The following LDHB variants were observed in gnomAD, a reference collection of about 807,000 sequenced individuals.
LDHB encodes the protein L-lactate dehydrogenase B chain.
Under a neutral mutation model 33.4 loss-of-function variants are expected in LDHB, and 18 were observed. The ratio of observed to expected loss-of-function variants is 0.54; its 90% CI spans 0.37 to 0.80. The LOEUF is 0.80. Among genes scored for constraint, LDHB ranks in the 30% least tolerant of loss-of-function variants. LDHB has a pLI of 0.00. For synonymous variants in LDHB, 121 were observed against 140.6 expected (o/e 0.86, Z 0.98); for missense variants, 345 against 407.9 (o/e 0.85, Z 1.33).
At position 21,654,677 on chromosome 12, in the gene LDHB, A is replaced by G. The variant is rs1938788915; in HGVS notation, c.-6T>C. On this transcript the variant is annotated splice_region_variant and 5_prime_UTR_variant, in exon 2 of 8. Coordinates refer to ENST00000350669, the MANE Select transcript of LDHB (RefSeq NM_002300.8). ...TTTTCCTTAAGAGTTGCCATTTTGC[A>G]CTGCAAGGAAAGAATCAAAACATTA... The G allele has an allele frequency of 6.2e-7, 1 of 1,611,850 alleles. No homozygotes were observed. The highest frequency in any genetic ancestry group is 8.5e-7 in the Non-Finnish European group (1 of 1,177,918).
intron 6 of LDHB, 42 bp downstream of exon 6, chr12:21,638,311 A>G: frequency 1.0e-6 from 1 of 989,874 alleles, no homozygotes; most frequent in Non-Finnish European, 1.6e-6. Flanking sequence ...ATTTAAGTAG[A>G]GTTGAAATTA....
chr12:21,649,246 T>C (rs1373659563), intron 2 of LDHB, among the ~76,000 whole-genome samples: 1 of 152,196 alleles, frequency 6.6e-6, no homozygotes, highest in African/African-American at 2.4e-5. Context: ...ATCCTGTCTC[T>C]GTTTCAGTGG....
At chr12:21,638,506 T>G in intron 5 of LDHB, 36 bp from the exon 6 acceptor site, 1 of 1,320,310 alleles carries the variant, frequency 7.6e-7, no homozygotes, top group Non-Finnish European at 1.1e-6. Context: ...TTGCAGTTAT[T>G]TCTTACATTA....
At position 21,643,997 on chromosome 12, in the gene LDHB, A is replaced by G. The variant is rs754833259; in HGVS notation, c.359T>C (p.Phe120Ser). The stretch of plus-strand genomic sequence containing the variant: ...GTACTTGACGATCTGAGGAATAATG[A>G]ATTTGAAGACATTAACATTTCTCTG... ...LVQRNVNVFKFIIPQIVKYSP... is the reference protein window; with the variant it reads ...LVQRNVNVFKSIIPQIVKYSP... The change falls in exon 4 of 8, where the codon TTC becomes TCC. Residue 120 changes from phenylalanine (F) to serine (S), a missense_variant. Coordinates refer to ENST00000350669, the MANE Select transcript of LDHB (RefSeq NM_002300.8). The G allele has an allele frequency of 1.2e-6, 2 of 1,613,158 alleles. No homozygotes were observed. The highest frequency in any genetic ancestry group is 1.7e-6 in the Non-Finnish European group (2 of 1,179,240).
At chr12:21,648,277 C>T (rs1378731798) in intron 2 of LDHB, among the ~76,000 whole-genome samples, 5 of 152,016 alleles carry the variant, frequency 3.3e-5, no homozygotes, top group Non-Finnish European at 5.9e-5. Flanking sequence ...CCTCAATATA[C>T]GATACTCAAG....
At chr12:21,656,214 T>C (rs1220312565) in intron 1 of LDHB, among the ~76,000 whole-genome samples, 3 of 152,240 alleles carry the variant, frequency 2.0e-5, no homozygotes, top group Non-Finnish European at 4.4e-5. Flanking sequence ...ACAACTATTT[T>C]ATCTTATAGT....
In LDHB at chr12:21,642,028, G is replaced by A. The variant is rs1286661907; in HGVS notation, c.519C>T (p.Tyr173=). 7.4e-6 allele frequency: 12 copies of A among 1,613,542 alleles called. No homozygotes were observed. The highest frequency in any genetic ancestry group is 9.3e-6 in the Non-Finnish European group (11 of 1,179,712). The change falls in exon 5 of 8, where the codon TAC becomes TAT. Residue 173 remains tyrosine (Y), a synonymous_variant. Coordinates refer to ENST00000350669, the MANE Select transcript of LDHB (RefSeq NM_002300.8). Reference sequence around the variant, plus strand: ...GAATGCCAAGTTTTTCAGCCATAAGGTAGCGAAATCTAGCAGAATCCAGAT... The same window carrying A: ...GAATGCCAAGTTTTTCAGCCATAAGATAGCGAAATCTAGCAGAATCCAGAT... ...GCNLDSARFR[Y]LMAEKLGIHP...
In LDHB at chr12:21,635,538, C is replaced by G; in HGVS notation, c.*4G>C. ...TTAAATTTCTACAGCCTAGAGCTCA[C>G]TAGTCACAGGTCTTTTAGGTCCTTC... On this transcript the variant is annotated 3_prime_UTR_variant, in exon 8 of 8. Transcript: ENST00000350669. 1.2e-6 allele frequency: 2 copies of G among 1,610,342 alleles called. No homozygotes were observed. Among genetic ancestry groups the G allele is most frequent in the Non-Finnish European group, 8.5e-7 (1 of 1,178,298 alleles).
chr12:21,636,010 T>C (rs1202807588), intron 7 of LDHB, among the ~76,000 whole-genome samples: 2 of 152,174 alleles, frequency 1.3e-5, no homozygotes, highest in East Asian at 3.8e-4. Context: ...CCCCAATACT[T>C]ATGTTTTGAA....
intron 2 of LDHB, chr12:21,654,226 G>A (rs965784925): frequency 5.8e-6 from 2 of 344,506 alleles, no homozygotes; most frequent in African/African-American, 4.2e-5. Context: ...TTGGACTGAG[G>A]TGAAAATAGC....
intron 3 of LDHB, among the ~76,000 whole-genome samples, chr12:21,646,417 A>G (rs1430552619): frequency 6.6e-6 from 1 of 152,250 alleles, no homozygotes; most frequent in Admixed American, 6.5e-5. Flanking sequence ...GAAAATGTCA[A>G]TTTGCTATGT....
At chr12:21,640,482 A>AAATCT (rs1938345674) in intron 5 of LDHB, among the ~76,000 whole-genome samples, 8 of 152,032 alleles carry the variant, frequency 5.3e-5, no homozygotes, top group Non-Finnish European at 8.8e-5. Flanking sequence ...TAAATAATTG[A>AAATCT]TAGTTATAAT....
At chr12:21,642,709 T>G (rs763138083) in intron 4 of LDHB, among the ~76,000 whole-genome samples, 3 of 152,186 alleles carry the variant, frequency 2.0e-5, no homozygotes, top group Non-Finnish European at 4.4e-5. Context: ...AAACTTTTGC[T>G]GATCCAGATA....
chr12:21,640,157 T>C lies in LDHB; in HGVS notation c.596-1687A>G, dbSNP rs5796914. On this transcript the variant is annotated intron_variant, in intron 5 of 7. Transcript: ENST00000350669. ...TTCAATATTGGATTATTTTATTATTTTTTTTTGCCATGAGCTTATTCAATA... is the reference window on the plus strand; with the variant it reads ...TTCAATATTGGATTATTTTATTATTCTTTTTTGCCATGAGCTTATTCAATA... 4.1e-3 allele frequency among the ~76,000 whole-genome samples: 7 copies of C among 1,710 alleles called. No individual in the cohort carries two copies. In the South Asian group the frequency reaches 0.44, roughly 107 times the overall value. 1.1% of individuals were successfully genotyped at this position (1,710 alleles called of 152,430 possible).
At chr12:21,656,252 T>C (rs1229563534) in intron 1 of LDHB, among the ~76,000 whole-genome samples, 1 of 152,192 alleles carries the variant, frequency 6.6e-6, no homozygotes, top group African/African-American at 2.4e-5. Flanking sequence ...TTTCCTCCCA[T>C]CTGTAAGGAT....
chr12:21,657,427 G>C (rs543684521), intron 1 of LDHB: 1 of 152,440 alleles, frequency 6.6e-6, no homozygotes, highest in East Asian at 1.9e-4. Flanking sequence ...CCCGACTCCC[G>C]CCAGCAGGCC....
intron 1 of LDHB, chr12:21,657,239 A>T (rs2136988417): frequency 6.6e-6 from 1 of 152,368 alleles, no homozygotes; most frequent in East Asian, 1.9e-4. Flanking sequence ...AGAGCCGGGT[A>T]AAAATAAGTG....
At chr12:21,637,571 C>T (rs1235349612) in intron 6 of LDHB, among the ~76,000 whole-genome samples, 1 of 151,924 alleles carries the variant, frequency 6.6e-6, no homozygotes, top group Non-Finnish European at 1.5e-5. Context: ...TTGTGAGGTC[C>T]CACTTGCCAC....
At chr12:21,639,543 A>C (rs1320448168) in intron 5 of LDHB, among the ~76,000 whole-genome samples, 2 of 152,056 alleles carry the variant, frequency 1.3e-5, no homozygotes, top group Admixed American at 1.3e-4. Context: ...TATCACTTCT[A>C]TCACCTAGCA....
Sources: allele counts gnomAD v4.1 joint callset (sites outside exome capture counted in the v4.1 genomes callset), GRCh38; gene constraint gnomAD v4.1.1; transcripts MANE v1.5; gene names NCBI Gene and HGNC (gene_info 2026-07-23, HGNC 2026-07-21).